Variants in GNG7 observed in about 807,000 individuals in gnomAD.
GNG7 encodes guanine nucleotide-binding protein G(I)/G(S)/G(O) subunit gamma-7.
GNG7 carries 1 observed loss-of-function variant against 4.0 expected under a neutral mutation model. The observed-to-expected ratio is 0.25, with a 90% CI of 0.09 to 1.18. The LOEUF (loss-of-function observed/expected upper bound fraction) is 1.18, where lower values mean the gene tolerates loss of function less well. Ranked by LOEUF, GNG7 falls within the 50% of genes most tolerant of loss-of-function variation. GNG7 has a pLI of 0.50. For missense variants in GNG7, 86 were observed against 91.9 expected, an observed-to-expected ratio of 0.94 and a Z score of 0.26; for synonymous variants, 34 against 36.9, an observed-to-expected ratio of 0.92 and a Z score of 0.29.
At chr19:2,659,580 G>C (rs1326945532) in intron 1 of GNG7, among the ~76,000 whole-genome samples, 2 of 87,548 alleles carry the variant, frequency 2.3e-5, no homozygotes, top group Non-Finnish European at 4.3e-5. Context: ...ATAGAGGAGT[G>C]AGACTCCATC....
chr19:2,587,265 C>T (rs948450428), intron 2 of GNG7, among the ~76,000 whole-genome samples: 1 of 152,054 alleles, frequency 6.6e-6, no homozygotes, highest in African/African-American at 2.4e-5. Context: ...CTGCCTGGAC[C>T]GAAGCATTCC....
At chr19:2,687,849 C>T (rs1002086540) in intron 1 of GNG7, among the ~76,000 whole-genome samples, 4 of 151,840 alleles carry the variant, frequency 2.6e-5, no homozygotes, top group Admixed American at 6.6e-5. Context: ...GTGGCACGCA[C>T]CTGTAATCCC....
At chr19:2,523,861 C>A (rs1376709925) in intron 3 of GNG7, among the ~76,000 whole-genome samples, 2 of 152,126 alleles carry the variant, frequency 1.3e-5, no homozygotes, top group Non-Finnish European at 2.9e-5. Context: ...ACCGCCCAGC[C>A]TCCTTGGTTT....
At chr19:2,671,579 T>C (rs1394957250) in intron 1 of GNG7, among the ~76,000 whole-genome samples, 1 of 151,730 alleles carries the variant, frequency 6.6e-6, no homozygotes, top group Non-Finnish European at 1.5e-5. Context: ...GGTCATGAAT[T>C]TGAGGTCAGC....
intron 1 of GNG7, among the ~76,000 whole-genome samples, chr19:2,699,836 C>T (rs1022797280): frequency 6.6e-6 from 1 of 152,094 alleles, no homozygotes; most frequent in East Asian, 1.9e-4. Flanking sequence ...CCAGACGCAC[C>T]CCATGAACTG....
At chr19:2,659,367 T>C (rs1983084015) in intron 1 of GNG7, among the ~76,000 whole-genome samples, 1 of 149,738 alleles carries the variant, frequency 6.7e-6, no homozygotes, top group Non-Finnish European at 1.5e-5. Flanking sequence ...TCACCTGAGG[T>C]CAGGAGTTTG....
chr19:2,700,132 CCTTT>C (rs1913364489), intron 1 of GNG7, among the ~76,000 whole-genome samples: 1 of 143,588 alleles, frequency 7.0e-6, no homozygotes, highest in African/African-American at 2.8e-5. Flanking sequence ...TTGTTGCAGT[CCTTT>C]TTTTTTTTTT....
At chr19:2,572,559 G>A (rs1980180219) in intron 2 of GNG7, among the ~76,000 whole-genome samples, 1 of 150,622 alleles carries the variant, frequency 6.6e-6, no homozygotes, top group African/African-American at 2.4e-5. Context: ...AGCCTCCTGA[G>A]TAGCTGGGAC....
At chr19:2,526,516 A>G (rs1002113155) in intron 3 of GNG7, among the ~76,000 whole-genome samples, 4 of 125,506 alleles carry the variant, frequency 3.2e-5, no homozygotes, top group African/African-American at 1.1e-4. Flanking sequence ...TTATATTTAT[A>G]CTCATATTTA....
rs1248995838 is a variant in GNG7, at chr19:2,626,667, C to T, written c.-78+19557G>A. Among the ~76,000 whole-genome samples the T allele has an allele frequency of 1.3e-5, 2 of 152,178 alleles. No individual in the cohort carries two copies. The highest frequency in any genetic ancestry group is 2.9e-5 in the Non-Finnish European group (2 of 68,034). ...TGCTTTCACTCTTGGGCGGTGTTGT[C>T]TTCATCGGTTCACTCAATCAGGGTC... On this transcript the variant is annotated intron_variant, in intron 2 of 4. Transcript: ENST00000382159. The surrounding 1 kb of genome is among the most constrained non-coding windows in gnomAD (Gnocchi z 5.0).
chr19:2,559,806 C>G (rs1176919277), intron 2 of GNG7, among the ~76,000 whole-genome samples: 1 of 151,784 alleles, frequency 6.6e-6, no homozygotes. Flanking sequence ...GCCACCGTGC[C>G]TGGCTCAAAG....
At chr19:2,647,719 G>GA (rs1982702472) in intron 1 of GNG7, among the ~76,000 whole-genome samples, 1 of 151,568 alleles carries the variant, frequency 6.6e-6, no homozygotes, top group African/African-American at 2.4e-5. Context: ...TCCTGTCTGA[G>GA]AAAAAATAAA....
intron 1 of GNG7, among the ~76,000 whole-genome samples, chr19:2,697,829 G>A (rs1037877873): frequency 4.6e-5 from 7 of 151,584 alleles, no homozygotes; most frequent in East Asian, 3.9e-4. Flanking sequence ...AAAATTAGCC[G>A]GGCGTGGTGG....
At chr19:2,581,452 TGAGAACAGGTCTGAGGCTGTGGGGTGGG>T in intron 2 of GNG7, among the ~76,000 whole-genome samples, 1 of 150,868 alleles carries the variant, frequency 6.6e-6, no homozygotes, top group East Asian at 2.0e-4. Context: ...CACAGGGGGG[TGAGAACAGGTCTGAGGCTGTGGGGTGGG>T]ATGTGGGGGC....
Position 2,626,246 on chromosome 19 carries a change from A to G in GNG7, c.-78+19978T>C, listed in dbSNP as rs753950276. Among the ~76,000 whole-genome samples the G allele has an allele frequency of 6.6e-6, 1 of 152,110 alleles. No homozygotes were observed. Among genetic ancestry groups the G allele is most frequent in the Non-Finnish European group, 1.5e-5 (1 of 67,998 alleles). On this transcript the variant is annotated intron_variant, in intron 2 of 4. Transcript: ENST00000382159. This position sits in a 1 kb window ranked among gnomAD's most constrained non-coding sequence, Gnocchi z 5.0. ...GATGCTGCTCCCGCCCCAGGCCTGA[A>G]GCCGGCCCCCTGCCCCAAACCAGCC...
rs181255083 is a variant in GNG7, at chr19:2,621,854, G to A, written c.-78+24370C>T. ...ACGCGGAAGGATCCTCTCCTGTAGC[G>A]CCCAGGGGAGCACAGCTCTGCAGAC... On this transcript the variant is annotated intron_variant, in intron 2 of 4. Transcript: ENST00000382159. Among the ~76,000 whole-genome samples, 3 of 152,194 alleles carry A rather than the reference G, an allele frequency of 2.0e-5. No individual in the cohort carries two copies. The East Asian group carries it at 5.8e-4, about 29-fold the overall frequency.
chr19:2,530,281 C>A (rs902447918), intron 3 of GNG7, among the ~76,000 whole-genome samples: 3 of 151,524 alleles, frequency 2.0e-5, no homozygotes, highest in African/African-American at 7.3e-5. Context: ...GGCATGGTGG[C>A]ACGTGCCTGT....
chr19:2,668,318 C>A (rs1983363488), intron 1 of GNG7, among the ~76,000 whole-genome samples: 2 of 151,698 alleles, frequency 1.3e-5, no homozygotes, highest in South Asian at 2.1e-4. Context: ...ACATTAAGTT[C>A]ATGTGCCAGC....
In GNG7 at chr19:2,515,038, G is replaced by A. The variant is rs1277872673; in HGVS notation, c.191C>T (p.Pro64Leu). ...AGAACACAGTTATAAAATAATACAA[G>A]GTTTCTTGTCCTTAAAGGGGTTCTC... is the stretch of plus-strand genomic sequence containing the variant. The part of the protein sequence containing the change: ...ASENPFKDKK[P>L]CIIL The change falls in exon 5 of 5, where the codon CCT becomes CTT. Residue 64 changes from proline (P) to leucine (L), a missense_variant. Transcript: ENST00000382159. 6.2e-7 allele frequency: 1 copy of A among 1,613,408 alleles called. No homozygotes were observed. The highest frequency in any genetic ancestry group is 8.5e-7 in the Non-Finnish European group (1 of 1,179,476).
Sources: gnomAD v4.1 joint callset for allele counts (sites outside exome capture counted in the v4.1 genomes callset) on GRCh38, gnomAD v4.1.1 for gene constraint, Gnocchi (gnomAD v3.1) non-coding constraint, MANE v1.5 for transcripts, NCBI Gene and HGNC (gene_info 2026-07-23, HGNC 2026-07-21) for gene names.